The following CLEC2D variants were observed in gnomAD, a reference collection of about 807,000 sequenced individuals.
CLEC2D encodes the protein C-type lectin related f.
A neutral mutation model predicts 20.0 loss-of-function variants in CLEC2D; 16 were observed. The observed-to-expected ratio is 0.80, with a 90% CI of 0.54 to 1.22. CLEC2D has a LOEUF of 1.22. CLEC2D is among the 50% of genes most tolerant of loss of function. CLEC2D has a pLI of 0.00. For missense variants in CLEC2D, 207 were observed against 221.5 expected (o/e 0.93, Z 0.42); for synonymous variants, 77 against 71.1 (o/e 1.08, Z -0.42).
chr12:9,694,407 AAT>A (rs1865933545), intron 4 of CLEC2D, among the ~76,000 whole-genome samples: 1 of 152,320 alleles, frequency 6.6e-6, no homozygotes, highest in Non-Finnish European at 1.5e-5. Context: ...GGTTTTTAGA[AAT>A]AGCTGCTGAG....
intron 3 of CLEC2D, among the ~76,000 whole-genome samples, chr12:9,690,456 T>C (rs999580669): frequency 1.9e-4 from 29 of 151,972 alleles, no homozygotes; most frequent in Admixed American, 3.9e-4. Flanking sequence ...TAGAGGTAAA[T>C]ATAAAACCCA....
At chr12:9,678,333 A>G (rs1202343320) in intron 1 of CLEC2D, among the ~76,000 whole-genome samples, 1 of 152,126 alleles carries the variant, frequency 6.6e-6, no homozygotes, top group East Asian at 1.9e-4. Context: ...ACATATATAT[A>G]TTCATGATCC....
chr12:9,686,040 G>T (rs768572406), intron 2 of CLEC2D, among the ~76,000 whole-genome samples: 38 of 152,186 alleles, frequency 2.5e-4, no homozygotes, highest in Admixed American at 7.2e-4. Flanking sequence ...GAAAAGCGTA[G>T]TATCTGGGCC....
At chr12:9,683,178 A>G (rs1477481527) in intron 2 of CLEC2D, among the ~76,000 whole-genome samples, 1 of 152,036 alleles carries the variant, frequency 6.6e-6, no homozygotes, top group Non-Finnish European at 1.5e-5. Flanking sequence ...TCTTTTGCCC[A>G]TTTTTTGATA....
In CLEC2D at chr12:9,695,133, A is replaced by G. The variant is rs945401473; in HGVS notation, c.*259A>G. 5 of 577,438 alleles carry G rather than the reference A, an allele frequency of 8.7e-6. No individual in the cohort carries two copies. Among genetic ancestry groups the G allele is most frequent in the African/African-American group, 5.6e-5 (3 of 53,154 alleles). 35.8% of individuals were successfully genotyped at this position (577,438 alleles called of 1,614,324 possible). ...TAAATAAAAGAGATTTAATTGACTC[A>G]TAGTTCCACATGGCTGGGGAGGTCT... On this transcript the variant is annotated 3_prime_UTR_variant, in exon 5 of 5. Coordinates refer to ENST00000290855, the MANE Select transcript of CLEC2D (RefSeq NM_013269.6).
rs1865974159 is a variant in CLEC2D at position 9,695,842 on chromosome 12, C to CG, written c.*968_*969insG. On this transcript the variant is annotated 3_prime_UTR_variant, in exon 5 of 5. Transcript: ENST00000290855. ...TGGAGGTGGGCAGAAAAAAGTAAAA[C>CG]TTGCTGCTGCTGCTGATGATGATGA... is the stretch of plus-strand genomic sequence containing the variant. 2 of 877,572 alleles carry CG rather than the reference C, an allele frequency of 2.3e-6. No individual in the cohort carries two copies. The highest frequency in any genetic ancestry group is 3.6e-6 in the Non-Finnish European group (2 of 551,916). 54.4% of individuals were successfully genotyped at this position (877,572 alleles called of 1,614,324 possible).
chr12:9,695,403 T>G lies in CLEC2D; in HGVS notation c.*529T>G. The G allele has an allele frequency of 6.8e-7, 1 of 1,480,422 alleles. No individual in the cohort carries two copies. Among genetic ancestry groups the G allele is most frequent in the South Asian group, 1.1e-5 (1 of 88,940 alleles). 91.7% of individuals were successfully genotyped at this position (1,480,422 alleles called of 1,614,324 possible). A position where few individuals can be genotyped will look rare whatever the true frequency, so the allele number is the denominator to read the frequency against. On this transcript the variant is annotated 3_prime_UTR_variant, in exon 5 of 5. Transcript: ENST00000290855. ...CACCCGATGGAAGATTCGATGGACA[T>G]GGACATGAGCCCCCTGAGGCCCCAG...
intron 1 of CLEC2D, among the ~76,000 whole-genome samples, chr12:9,672,252 T>C (rs1485567563): frequency 2.0e-5 from 3 of 152,212 alleles, no homozygotes; most frequent in African/African-American, 7.2e-5. Context: ...ACTCCCATTA[T>C]AAGGACATTA....
intron 4 of CLEC2D, chr12:9,694,031 C>T (rs937340731): frequency 2.8e-5 from 5 of 175,966 alleles, no homozygotes; most frequent in African/African-American, 1.6e-4. Context: ...CTGGGCTGAT[C>T]TTGAACTCCT....
chr12:9,697,819 C>A lies in CLEC2D; in HGVS notation c.*2945C>A, dbSNP rs1319272826. The A allele has an allele frequency of 1.3e-5, 2 of 151,952 alleles. No individual in the cohort carries two copies. The highest frequency in any genetic ancestry group is 4.8e-5 in the African/African-American group (2 of 41,364). 9.4% of individuals were successfully genotyped at this position (151,952 alleles called of 1,614,324 possible). A position where few individuals can be genotyped will look rare whatever the true frequency, so the allele number is the denominator to read the frequency against. On this transcript the variant is annotated 3_prime_UTR_variant, in exon 5 of 5. Coordinates refer to ENST00000290855, the MANE Select transcript of CLEC2D (RefSeq NM_013269.6). ...GTCAAAAGATACAGAGTTGCAGTTA[C>A]AAAGGGTGAGTATGTCTAGATATCT...
chr12:9,695,463 A>C lies in CLEC2D; in HGVS notation c.*589A>C. 1 of 1,321,212 alleles carries C rather than the reference A, an allele frequency of 7.6e-7. No homozygotes were observed. Among genetic ancestry groups the C allele is most frequent in the South Asian group, 1.2e-5 (1 of 85,666 alleles). 81.8% of individuals were successfully genotyped at this position (1,321,212 alleles called of 1,614,324 possible). A position where few individuals can be genotyped will look rare whatever the true frequency, so the allele number is the denominator to read the frequency against. On this transcript the variant is annotated 3_prime_UTR_variant, in exon 5 of 5. Transcript: ENST00000290855. ...TTCAGTTGTGAACTAAAGGCCGACA[A>C]AGATGATCACTTTAAGGTGGATAAT...
At position 9,685,791 on chromosome 12, in the gene CLEC2D, T is replaced by C. The variant is rs1865735552; in HGVS notation, c.173-2111T>C. 2.0e-5 allele frequency among the ~76,000 whole-genome samples: 3 copies of C among 152,190 alleles called. No homozygotes were observed. In the South Asian group the frequency reaches 6.2e-4, roughly 32 times the overall value. On this transcript the variant is annotated intron_variant, in intron 2 of 4. Coordinates refer to ENST00000290855, the MANE Select transcript of CLEC2D (RefSeq NM_013269.6). ...GCCAGTGGGTCTTAGCTTGCTGGGC[T>C]CTGTGGGGATTGGACCCACTGAGCA...
chr12:9,692,588 C>G (rs1865891853), intron 3 of CLEC2D, among the ~76,000 whole-genome samples: 1 of 152,108 alleles, frequency 6.6e-6, no homozygotes, highest in Non-Finnish European at 1.5e-5. Context: ...AAGAGTCATA[C>G]AAAGGAGTAC....
chr12:9,669,787 C>T lies in CLEC2D; in HGVS notation c.53C>T (p.Ala18Val), dbSNP rs1865369927. Residue 18 changes from alanine to valine, a missense_variant, in exon 1 of 5, where the codon GCA (alanine) becomes GTA (valine). Transcript: ENST00000290855. ...GACATTACACCATCTGAATTGCCTG[C>T]AAACCCAGGTAAGAAGCTGGGCTCT... ...EKDITPSELP[A>V]NPGCLHSKEH... The T allele has an allele frequency of 6.2e-7, 1 of 1,612,806 alleles. No individual in the cohort carries two copies. The highest frequency in any genetic ancestry group is 8.5e-7 in the Non-Finnish European group (1 of 1,179,028).
At chr12:9,682,718 A>G (rs897388502) in intron 2 of CLEC2D, among the ~76,000 whole-genome samples, 3 of 152,180 alleles carry the variant, frequency 2.0e-5, no homozygotes, top group Non-Finnish European at 4.4e-5. Context: ...TTATGGCTGT[A>G]TAGTATTCCA....
chr12:9,696,083 A>G lies in CLEC2D; in HGVS notation c.*1209A>G, dbSNP rs1865986647. The G allele has an allele frequency of 8.6e-7, 1 of 1,158,522 alleles. No homozygotes were observed. The highest frequency in any genetic ancestry group is 1.3e-6 in the Non-Finnish European group (1 of 779,650). 71.8% of individuals were successfully genotyped at this position (1,158,522 alleles called of 1,614,324 possible). A position where few individuals can be genotyped will look rare whatever the true frequency, so the allele number is the denominator to read the frequency against. ...CCAAAAGGATCTAGTTCTGTAGAAG[A>G]CATTAAAGCAAAAATGCAAGCAAGT... On this transcript the variant is annotated 3_prime_UTR_variant, in exon 5 of 5. Coordinates refer to ENST00000290855, the MANE Select transcript of CLEC2D (RefSeq NM_013269.6).
chr12:9,695,812 G>A lies in CLEC2D; in HGVS notation c.*938G>A, dbSNP rs1865972837. On this transcript the variant is annotated 3_prime_UTR_variant, in exon 5 of 5. Transcript: ENST00000290855. ...CTTAAGTATATCTGGAAAGCAGTCT[G>A]CCCCTGGAGGTGGGCAGAAAAAAGT... is the stretch of plus-strand genomic sequence containing the variant. 2 of 1,245,152 alleles carry A rather than the reference G, an allele frequency of 1.6e-6. No homozygotes were observed. Among genetic ancestry groups the A allele is most frequent in the South Asian group, 2.4e-5 (2 of 83,770 alleles). The allele number at this position is 1,245,152 out of a possible 1,614,324, so 77.1% of individuals were successfully genotyped here.
At chr12:9,685,513 G>A (rs1865729613) in intron 2 of CLEC2D, among the ~76,000 whole-genome samples, 1 of 152,218 alleles carries the variant, frequency 6.6e-6, no homozygotes. Flanking sequence ...TGGGGCTGCT[G>A]CCTTTCTTTC....
chr12:9,673,365 C>G (rs1865460268), intron 1 of CLEC2D, among the ~76,000 whole-genome samples: 1 of 152,256 alleles, frequency 6.6e-6, no homozygotes, highest in Non-Finnish European at 1.5e-5. Flanking sequence ...ACTCCAGACC[C>G]TGTTCACGTG....
Sources: gnomAD v4.1 joint callset for allele counts (sites outside exome capture counted in the v4.1 genomes callset) on GRCh38, gnomAD v4.1.1 for gene constraint, MANE v1.5 for transcripts, NCBI Gene and HGNC (gene_info 2026-07-23, HGNC 2026-07-21) for gene names.